The following DOCK10 variants were observed in gnomAD, a reference collection of about 807,000 sequenced individuals.
DOCK10 encodes the protein dedicator of cytokinesis 10, also known as dedicator of cytokinesis protein 10.
In DOCK10, 145 loss-of-function variants were observed where a neutral mutation model predicts 280.1. The observed-to-expected ratio is 0.52, with a 90% CI of 0.45 to 0.59. DOCK10 has a LOEUF of 0.59. Ranked by LOEUF, DOCK10 falls within the 20% of genes least tolerant of loss-of-function variation. DOCK10 has a pLI of 0.00. For synonymous variants in DOCK10, 915 were observed against 942.2 expected (o/e 0.97, Z 0.53); for missense variants, 2,368 against 2,651.7 (o/e 0.89, Z 2.35).
intron 14 of DOCK10, among the ~76,000 whole-genome samples, chr2:224,860,230 T>C (rs1331404873): frequency 1.3e-5 from 2 of 152,314 alleles, no homozygotes; most frequent in East Asian, 3.9e-4. Flanking sequence ...CAAAGCAGGA[T>C]TGTCACTTCT....
chr2:224,852,832 A>G, intron 17 of DOCK10, 103 bp downstream of exon 17: 1 of 1,001,394 alleles, frequency 1.0e-6, no homozygotes. Flanking sequence ...TCTATGACAG[A>G]GTGTTGCCCC....
intron 1 of DOCK10, among the ~76,000 whole-genome samples, chr2:224,933,789 T>C (rs910260849): frequency 2.6e-4 from 39 of 152,336 alleles, no homozygotes; most frequent in African/African-American, 9.1e-4. Flanking sequence ...GTGGTTTTAG[T>C]GTATATTGTA....
At chr2:224,847,599 C>G (rs747615154) in intron 19 of DOCK10, among the ~76,000 whole-genome samples, 66 of 152,200 alleles carry the variant, frequency 4.3e-4, no homozygotes, top group African/African-American at 1.9e-4. Flanking sequence ...GAAAATGCAT[C>G]TTCCAGATGG....
chr2:224,984,700 A>C (rs1335684559), intron 1 of DOCK10, among the ~76,000 whole-genome samples: 1 of 152,188 alleles, frequency 6.6e-6, no homozygotes, highest in Non-Finnish European at 1.5e-5. Flanking sequence ...GATTCCAAAC[A>C]TGTAGGAAAG....
chr2:224,818,345 CGTT>C (rs1377533859), intron 29 of DOCK10, among the ~76,000 whole-genome samples: 6 of 150,840 alleles, frequency 4.0e-5, no homozygotes, highest in African/African-American at 1.2e-4. Context: ...GTGTCTCTGT[CGTT>C]AAGTGACGCA....
At chr2:224,949,445 T>G (rs920112348) in intron 1 of DOCK10, among the ~76,000 whole-genome samples, 2 of 152,154 alleles carry the variant, frequency 1.3e-5, no homozygotes, top group Non-Finnish European at 2.9e-5. Context: ...TCACTGAACT[T>G]TGTGAGAAAA....
chr2:224,845,430 A>C (rs1342987130), intron 20 of DOCK10, 89 bp downstream of exon 20: 1 of 1,543,516 alleles, frequency 6.5e-7, no homozygotes, highest in Non-Finnish European at 8.8e-7. Context: ...ATGAAAAATA[A>C]TTCAATAAAT....
intron 1 of DOCK10, among the ~76,000 whole-genome samples, chr2:224,935,265 A>G (rs1702620102): frequency 6.6e-6 from 1 of 152,226 alleles, no homozygotes; most frequent in Non-Finnish European, 1.5e-5. Flanking sequence ...TATTTTCATC[A>G]CTATAATTCA....
intron 11 of DOCK10, among the ~76,000 whole-genome samples, chr2:224,870,356 T>G (rs112523922): frequency 0.012 from 1,854 of 152,362 alleles, 45 homozygotes; most frequent in African/African-American, 0.042. Flanking sequence ...GAGAACAGAC[T>G]AATACAGGTA....
intron 2 of DOCK10, among the ~76,000 whole-genome samples, chr2:224,920,299 C>T (rs1179193737): frequency 1.3e-5 from 2 of 149,390 alleles, no homozygotes; most frequent in African/African-American, 4.9e-5. Context: ...GTCTCCAGCT[C>T]CTGGACTCAA....
intron 1 of DOCK10, among the ~76,000 whole-genome samples, chr2:224,990,427 CAATG>C: frequency 6.6e-6 from 1 of 152,258 alleles, no homozygotes. Flanking sequence ...CTCATCTGTT[CAATG>C]AATGAATATT....
In DOCK10 at chr2:224,804,799, T is replaced by A. The variant is rs757504926; in HGVS notation, c.4161A>T (p.Ile1387=). ...QNFRYLGKRN[I]IRKIAAAFKF... is the part of the protein sequence containing the mutation. ...TTGGAATTTAAAATTAGTACCTTAT[T>A]ATGTTGCGTTTTCCTAGGTATCTGA... is the stretch of plus-strand genomic sequence containing the variant. The change falls in exon 38 of 56, where the codon ATA becomes ATT. Residue 1387 remains isoleucine, a synonymous_variant. Transcript: ENST00000258390. 3 of 1,507,742 alleles carry A rather than the reference T, an allele frequency of 2.0e-6. No individual in the cohort carries two copies. The highest frequency in any genetic ancestry group is 2.7e-6 in the Non-Finnish European group (3 of 1,127,890). 93.4% of individuals were successfully genotyped at this position (1,507,742 alleles called of 1,614,324 possible). A position where few individuals can be genotyped will look rare whatever the true frequency, so the allele number is the denominator to read the frequency against.
Position 224,845,221 on chromosome 2 carries a change from T to G in DOCK10, c.2463A>C (p.Gln821His). 1 of 1,578,534 alleles carries G rather than the reference T, an allele frequency of 6.3e-7. No individual in the cohort carries two copies. Among genetic ancestry groups the G allele is most frequent in the South Asian group, 1.2e-5 (1 of 86,334 alleles). Reference sequence around the variant, plus strand: ...TCAATACCTTTCCACTTGCAGAATCTTGAAAGCTTAAATAATTAGGAGGCA... The same window carrying G: ...TCAATACCTTTCCACTTGCAGAATCGTGAAAGCTTAAATAATTAGGAGGCA... ...TSLPPNYLSF[Q>H]DSASGKHGGS... The change falls in exon 21 of 56, where the codon CAA becomes CAC. Residue 821 changes from glutamine to histidine, a missense_variant. By Grantham distance (24) the Gln-to-His change is conservative. Coordinates refer to ENST00000258390, the MANE Select transcript of DOCK10 (RefSeq NM_014689.3).
chr2:225,035,480 T>A (rs1690196177), intron 1 of DOCK10, among the ~76,000 whole-genome samples: 1 of 145,284 alleles, frequency 6.9e-6, no homozygotes, highest in Non-Finnish European at 1.5e-5. Flanking sequence ...CCATTTTTTT[T>A]AAATCCCTAA....
intron 11 of DOCK10, among the ~76,000 whole-genome samples, chr2:224,872,841 C>G (rs917759701): frequency 1.3e-5 from 2 of 151,622 alleles, no homozygotes; most frequent in African/African-American, 4.8e-5. Context: ...GAACAGAACG[C>G]ATTAAAAAAG....
intron 1 of DOCK10, among the ~76,000 whole-genome samples, chr2:225,035,575 TA>T (rs1195227306): frequency 2.5e-4 from 22 of 89,530 alleles, no homozygotes; most frequent in South Asian, 6.8e-4. Flanking sequence ...TATATATATA[TA>T]TATATATATA....
chr2:224,970,226 G>A lies in DOCK10; in HGVS notation c.124-38558C>T, dbSNP rs1705006292. Among the ~76,000 whole-genome samples, 1 of 152,158 alleles carries A rather than the reference G, an allele frequency of 6.6e-6. No homozygotes were observed. Among genetic ancestry groups the A allele is most frequent in the South Asian group, 2.1e-4 (1 of 4,828 alleles). On this transcript the variant is annotated intron_variant, in intron 1 of 55. Coordinates refer to ENST00000258390, the MANE Select transcript of DOCK10 (RefSeq NM_014689.3). This position sits in a 1 kb window ranked among gnomAD's most constrained non-coding sequence, Gnocchi z 4.6. ...TTACTTAAATTTCTATGATGCAGGT[G>A]GGCAGCAGGTATTTTCCTCATTTTA... is the stretch of plus-strand genomic sequence containing the variant.
chr2:224,953,199 A>G (rs937477766), intron 1 of DOCK10, among the ~76,000 whole-genome samples: 4 of 152,180 alleles, frequency 2.6e-5, no homozygotes, highest in African/African-American at 9.7e-5. Flanking sequence ...TCCTTATTAC[A>G]TTTTATCTTT....
chr2:224,783,160 T>G (rs1185986326), intron 50 of DOCK10, among the ~76,000 whole-genome samples: 1 of 152,190 alleles, frequency 6.6e-6, no homozygotes, highest in Non-Finnish European at 1.5e-5. Flanking sequence ...ATGACCTCCA[T>G]TGGTTCTCCT....
Sources: gnomAD v4.1 joint callset for allele counts (sites outside exome capture counted in the v4.1 genomes callset) on GRCh38, gnomAD v4.1.1 for gene constraint, Gnocchi (gnomAD v3.1) non-coding constraint, MANE v1.5 for transcripts, NCBI Gene and HGNC (gene_info 2026-07-23, HGNC 2026-07-21) for gene names.